Variants in ARL13A observed in about 807,000 individuals in gnomAD.
ARL13A encodes the protein ARF like GTPase 13A.
A neutral mutation model predicts 19.1 loss-of-function variants in ARL13A; 16 were observed. The observed-to-expected ratio is 0.84, with a 90% CI of 0.57 to 1.27. The LOEUF (loss-of-function observed/expected upper bound fraction) is 1.27. Among genes scored for constraint, ARL13A ranks in the 50% most tolerant of loss-of-function variants. ARL13A has a pLI of 0.00. For synonymous variants in ARL13A, 69 were observed against 71.3 expected (o/e 0.97, Z 0.17); for missense variants, 153 against 186.4 (o/e 0.82, Z 1.04).
At chrX:100,988,585 G>C (rs1266860295) in intron 7 of ARL13A, 1 of 954,912 alleles carries the variant, frequency 1.0e-6, no homozygotes, top group South Asian at 2.7e-5. Context: ...GGTTAGAGAA[G>C]AAAATTTACA....
rs187861499 is a variant in ARL13A, at chrX:100,969,754, A to G, written c.-70A>G. 8.9e-6 allele frequency: 1 copy of G among 112,387 alleles called. No individual in the cohort carries two copies. Among genetic ancestry groups the G allele is most frequent in the Non-Finnish European group, 1.9e-5 (1 of 53,287 alleles). 9.3% of individuals were successfully genotyped at this position (112,387 alleles called of 1,213,427 possible). On this transcript the variant is annotated 5_prime_UTR_variant, in exon 1 of 8. The change creates a new upstream start codon in the 5' untranslated region. Transcript: ENST00000450049. Reference sequence around the variant, plus strand: ...AATGCGTCTTCCTATTACTCTGCATATCTTATGTCTTCCATCCAAAAAGAA... The same window carrying G: ...AATGCGTCTTCCTATTACTCTGCATGTCTTATGTCTTCCATCCAAAAAGAA...
At chrX:100,984,039 C>T (rs1007663168) in intron 3 of ARL13A, among the ~76,000 whole-genome samples, 3 of 110,841 alleles carry the variant, frequency 2.7e-5, no homozygotes, top group African/African-American at 9.8e-5. Flanking sequence ...GAGAGCTAGG[C>T]TAGAACGGTC....
Position 100,987,284 on chromosome X carries a change from G to C in ARL13A, c.487-106G>C, listed in dbSNP as rs956728064. On this transcript the variant is annotated intron_variant, in intron 5 of 7. Coordinates refer to ENST00000450049, the MANE Select transcript of ARL13A (RefSeq NM_001162491.2). The stretch of plus-strand genomic sequence containing the variant: ...AAGTCTCAGAGCCTCTCTAGGCATA[G>C]CAGAGTTTATGTGTTCCTTCACTCT... 15 of 813,378 alleles carry C rather than the reference G, an allele frequency of 1.8e-5. No individual in the cohort carries two copies. The Admixed American group carries it at 4.3e-4, about 23-fold the overall frequency. The allele number at this position is 813,378 out of a possible 1,213,427, so 67.0% of individuals were successfully genotyped here.
chrX:100,988,058 C>T, intron 6 of ARL13A, 135 bp from the exon 7 acceptor site: 1 of 481,151 alleles, frequency 2.1e-6, no homozygotes. Context: ...AGCAAAAGGC[C>T]TAAACATCCT....
At chrX:100,990,353 A>G (rs1339251793) in intron 7 of ARL13A, 1 of 931,497 alleles carries the variant, frequency 1.1e-6, no homozygotes, top group Non-Finnish European at 1.3e-6. Context: ...AAAAGAAAGT[A>G]ACAGAGAAAG....
chrX:100,975,556 C>A (rs1466804204), intron 3 of ARL13A, among the ~76,000 whole-genome samples: 1 of 110,686 alleles, frequency 9.0e-6, no homozygotes, highest in Non-Finnish European at 1.9e-5. Context: ...GGTAGGTATT[C>A]AATAAATATT....
chrX:100,977,202 T>C (rs2085776257), intron 3 of ARL13A, among the ~76,000 whole-genome samples: 1 of 110,926 alleles, frequency 9.0e-6, no homozygotes, highest in South Asian at 3.8e-4. Flanking sequence ...TTGTACTCCC[T>C]CACTTACTCT....
chrX:100,974,302 CCT>C lies in ARL13A; in HGVS notation c.130+108_130+109del, dbSNP rs1218499689. On this transcript the variant is annotated intron_variant, in intron 3 of 7. Transcript: ENST00000450049. Reference sequence around the variant, plus strand: ...GCATTACTTCATGGCCCTCAATTTCCCTCTTTTTGTGCATAAACACCTCCTAA... The same window carrying C: ...GCATTACTTCATGGCCCTCAATTTCCCTTTTTGTGCATAAACACCTCCTAA... 6.6e-6 allele frequency: 4 copies of C among 603,522 alleles called. No homozygotes were observed. The East Asian group carries it at 1.5e-4, about 22-fold the overall frequency. 49.7% of individuals were successfully genotyped at this position (603,522 alleles called of 1,213,427 possible). A position where few individuals can be genotyped will look rare whatever the true frequency, so the allele number is the denominator to read the frequency against.
rs751577252 is a variant in ARL13A at position 100,977,530 on chromosome X, GCCA to G, written c.130+3338_130+3340del. 5.5e-5 allele frequency among the ~76,000 whole-genome samples: 6 copies of G among 110,053 alleles called. No individual in the cohort carries two copies. In the East Asian group the frequency reaches 1.7e-3, roughly 32 times the overall value. On this transcript the variant is annotated intron_variant, in intron 3 of 7. Coordinates refer to ENST00000450049, the MANE Select transcript of ARL13A (RefSeq NM_001162491.2). ...CAAGTAGCTGGGATTACAGGCGTGTGCCACCACACCTGGCTTATTTTTGTATTT... is the reference window on the plus strand; with the variant it reads ...CAAGTAGCTGGGATTACAGGCGTGTGCCACACCTGGCTTATTTTTGTATTT...
intron 3 of ARL13A, among the ~76,000 whole-genome samples, chrX:100,977,813 G>A (rs548761395): frequency 2.0e-4 from 22 of 112,236 alleles, no homozygotes; most frequent in East Asian, 8.3e-4. Flanking sequence ...TGTTCTGCCC[G>A]TGTTGCTGCA....
In ARL13A at chrX:100,975,056, GGACTTAATATAAAA is replaced by G. The variant is rs777268182; in HGVS notation, c.130+861_130+874del. ...ATTCAATCCACATAGCTACCAGAAA[GGACTTAATATAAAA>G]GTCTGATCATGGCACTTCCCTGCTC... On this transcript the variant is annotated intron_variant, in intron 3 of 7. Transcript: ENST00000450049. Among the ~76,000 whole-genome samples the G allele has an allele frequency of 2.7e-5, 3 of 111,468 alleles. No individual in the cohort carries two copies. In the East Asian group the frequency reaches 8.4e-4, roughly 31 times the overall value.
At chrX:100,985,590 A>G in intron 3 of ARL13A, 77 bp from the exon 4 acceptor site, 10 of 1,116,133 alleles carry the variant, frequency 9.0e-6, no homozygotes, top group Non-Finnish European at 1.2e-5. Context: ...ATGAAATCGG[A>G]ACCGACTCTA....
chrX:100,984,656 G>A (rs1209163788), intron 3 of ARL13A, among the ~76,000 whole-genome samples: 1 of 112,181 alleles, frequency 8.9e-6, no homozygotes, highest in African/African-American at 3.2e-5. Context: ...AGGTAATACA[G>A]ACATCCTCCC....
intron 5 of ARL13A, 55 bp downstream of exon 5, chrX:100,986,956 T>C (rs1256234905): frequency 4.6e-6 from 4 of 872,203 alleles, no homozygotes; most frequent in Non-Finnish European, 6.5e-6. Context: ...GATGCAGCCC[T>C]TGGCCCATTC....
chrX:100,990,690 G>A lies in ARL13A; in HGVS notation c.*102G>A, dbSNP rs756276358. On this transcript the variant is annotated 3_prime_UTR_variant, in exon 8 of 8. Coordinates refer to ENST00000450049, the MANE Select transcript of ARL13A (RefSeq NM_001162491.2). ...TTTGTACCGAGATGCTGCTGACAAA[G>A]CTTGTGGACAATAAGTCATGGGTGA... is the stretch of plus-strand genomic sequence containing the variant. 1.2e-5 allele frequency: 11 copies of A among 883,401 alleles called. No homozygotes were observed. In the South Asian group the frequency reaches 2.3e-4, roughly 19 times the overall value. 72.8% of individuals were successfully genotyped at this position (883,401 alleles called of 1,213,427 possible).
Position 100,983,388 on chromosome X carries a change from G to A in ARL13A, c.131-2279G>A, listed in dbSNP as rs772284332. Reference sequence around the variant, plus strand: ...CTTTTTTTTTTGAGACAGACGTCTCGCTCTGTCACCCAGGCTGAAGTGCAA... The same window carrying A: ...CTTTTTTTTTTGAGACAGACGTCTCACTCTGTCACCCAGGCTGAAGTGCAA... On this transcript the variant is annotated intron_variant, in intron 3 of 7. Transcript: ENST00000450049. Among the ~76,000 whole-genome samples the A allele has an allele frequency of 5.7e-3, 625 of 109,753 alleles. 3 individuals carry two copies. The highest frequency in any genetic ancestry group is 8.9e-3 in the Non-Finnish European group (467 of 52,581).
chrX:100,973,608 G>C, intron 1 of ARL13A, 68 bp from the exon 2 acceptor site: 1 of 1,045,116 alleles, frequency 9.6e-7, no homozygotes, highest in Non-Finnish European at 1.3e-6. Context: ...TTAGTCATAA[G>C]CTGACTAAAG....
At chrX:100,988,684 G>A (rs999581302) in intron 7 of ARL13A, 4 of 446,010 alleles carry the variant, frequency 9.0e-6, no homozygotes, top group African/African-American at 8.1e-5. Flanking sequence ...TAGGAGAAAA[G>A]CACCTTCCTG....
At chrX:100,973,548 G>A in intron 1 of ARL13A, 128 bp from the exon 2 acceptor site, 1 of 925,340 alleles carries the variant, frequency 1.1e-6, no homozygotes, top group Non-Finnish European at 1.5e-6. Context: ...TGGATAGAAT[G>A]AAGTAATAGA....
Sources: allele counts gnomAD v4.1 joint callset (sites outside exome capture counted in the v4.1 genomes callset), GRCh38; gene constraint gnomAD v4.1.1; transcripts MANE v1.5; gene names NCBI Gene and HGNC (gene_info 2026-07-23, HGNC 2026-07-21).